SEL1L2: variants seen among roughly 807,000 people sequenced by gnomAD.
The protein encoded by SEL1L2 is protein sel-1 homolog 2.
SEL1L2 carries 89 observed loss-of-function variants against 98.8 expected under a neutral mutation model. The observed-to-expected ratio is 0.90, with a 90% CI of 0.76 to 1.07. The LOEUF is 1.07. SEL1L2 is among the 50% of genes least tolerant of loss of function. SEL1L2 has a pLI of 0.00. For missense variants in SEL1L2, 788 were observed against 812.0 expected (o/e 0.97, Z 0.36); for synonymous variants, 262 against 278.5 (o/e 0.94, Z 0.59).
chr20:13,972,726 C>T (rs2051341242), intron 1 of SEL1L2, among the ~76,000 whole-genome samples: 1 of 152,144 alleles, frequency 6.6e-6, no homozygotes, highest in Non-Finnish European at 1.5e-5. Flanking sequence ...TCTCTAGTGT[C>T]TTCTTATACT....
upstream of SEL1L2, among the ~76,000 whole-genome samples, chr20:13,991,908 G>A (rs555890378): frequency 5.9e-5 from 9 of 152,018 alleles, no homozygotes; most frequent in Admixed American, 3.3e-4. Context: ...CATGAGAAGT[G>A]CTTGAATCCT....
chr20:13,863,097 T>C (rs1172548063), intron 17 of SEL1L2, among the ~76,000 whole-genome samples: 2 of 152,138 alleles, frequency 1.3e-5, no homozygotes, highest in African/African-American at 4.8e-5. Flanking sequence ...CTTATAAGAA[T>C]GGTGCCCAGA....
At chr20:13,925,850 A>C (rs1026506416) in intron 3 of SEL1L2, among the ~76,000 whole-genome samples, 5 of 152,252 alleles carry the variant, frequency 3.3e-5, no homozygotes, top group African/African-American at 1.2e-4. Context: ...GGATTAACCC[A>C]CCATTTTGCT....
At chr20:13,873,407 G>C (rs1446059888) in intron 12 of SEL1L2, among the ~76,000 whole-genome samples, 1 of 151,986 alleles carries the variant, frequency 6.6e-6, no homozygotes, top group African/African-American at 2.4e-5. Flanking sequence ...CTGTTGCCAG[G>C]CTGGAGTGCA....
intron 5 of SEL1L2, among the ~76,000 whole-genome samples, chr20:13,895,908 C>T (rs1413052533): frequency 6.6e-6 from 1 of 152,204 alleles, no homozygotes; most frequent in East Asian, 1.9e-4. Context: ...TGTGGTGGCT[C>T]ACGCCTGTAA....
At chr20:13,939,219 A>T (rs1382395965) in intron 2 of SEL1L2, among the ~76,000 whole-genome samples, 1 of 150,876 alleles carries the variant, frequency 6.6e-6, no homozygotes, top group South Asian at 2.1e-4. Flanking sequence ...AATTTTTTGT[A>T]TCTTTAGTAG....
At chr20:13,990,732 G>A (rs531172449), upstream of SEL1L2, 124 of 547,472 alleles carry the variant, frequency 2.3e-4, no homozygotes, top group Non-Finnish European at 3.7e-4. Context: ...GTAGGCTGTG[G>A]AAAGGATCCA....
At position 13,907,849 on chromosome 20, in the gene SEL1L2, C is replaced by A. The variant is rs543540972; in HGVS notation, c.549+5933G>T. ...GTGACATGATCACAGCTCACTGCAG[C>A]CTCAACCTCCTGGGCTCAAGTGATC... On this transcript the variant is annotated intron_variant, in intron 5 of 19. Transcript: ENST00000284951. 2.0e-5 allele frequency among the ~76,000 whole-genome samples: 3 copies of A among 151,488 alleles called. No homozygotes were observed. In the South Asian group the frequency reaches 6.3e-4, roughly 32 times the overall value.
chr20:13,855,440 G>A (rs1989000466), intron 18 of SEL1L2, among the ~76,000 whole-genome samples: 1 of 151,956 alleles, frequency 6.6e-6, no homozygotes, highest in Admixed American at 6.6e-5. Context: ...AGAGGGGTGG[G>A]TAGGACGGAG....
intron 17 of SEL1L2, among the ~76,000 whole-genome samples, chr20:13,860,445 C>A (rs1330125784): frequency 6.6e-6 from 1 of 152,170 alleles, no homozygotes; most frequent in Non-Finnish European, 1.5e-5. Flanking sequence ...TCTCTGGCCT[C>A]ATCTTACCCG....
Position 13,919,057 on chromosome 20 carries a change from A to T in SEL1L2, c.350T>A (p.Val117Asp), listed in dbSNP as rs760453482. ...GDQLFKMGIK[V>D]LQQSKSQKQK... is the part of the protein sequence containing the mutation. ...TTTTTGGCTTTTAGACTGCTGGAGA[A>T]CCTTGATGCCCATCTTAAATAGCTG... Residue 117 changes from valine (V) to aspartate (D), a missense_variant, in exon 4 of 20, where the codon GTT becomes GAT. Coordinates refer to ENST00000284951, the MANE Select transcript of SEL1L2 (RefSeq NM_025229.2). 1 of 1,613,844 alleles carries T rather than the reference A, an allele frequency of 6.2e-7. No individual in the cohort carries two copies. Among genetic ancestry groups the T allele is most frequent in the Non-Finnish European group, 8.5e-7 (1 of 1,179,862 alleles).
intron 1 of SEL1L2, among the ~76,000 whole-genome samples, chr20:13,970,848 G>A (rs927248345): frequency 1.3e-5 from 2 of 150,512 alleles, no homozygotes; most frequent in Non-Finnish European, 3.0e-5. Context: ...GAAAAATACT[G>A]TCACACATAT....
chr20:13,960,658 A>G (rs1228078977), intron 1 of SEL1L2, among the ~76,000 whole-genome samples: 1 of 152,170 alleles, frequency 6.6e-6, no homozygotes, highest in East Asian at 1.9e-4. Flanking sequence ...ACTTTAGAGT[A>G]GCTTGTTTCG....
chr20:13,988,499 T>C (rs2052364380), intron 1 of SEL1L2, among the ~76,000 whole-genome samples: 1 of 152,206 alleles, frequency 6.6e-6, no homozygotes, highest in Non-Finnish European at 1.5e-5. Context: ...GTGTGATAGT[T>C]TACTTGTAAA....
chr20:13,905,120 G>T (rs537924273), intron 5 of SEL1L2, among the ~76,000 whole-genome samples: 1 of 152,114 alleles, frequency 6.6e-6, no homozygotes, highest in African/African-American at 2.4e-5. Flanking sequence ...ATCAACCCAG[G>T]GTTACACTTC....
intron 5 of SEL1L2, among the ~76,000 whole-genome samples, chr20:13,899,961 T>G (rs1425806275): frequency 6.6e-6 from 1 of 152,226 alleles, no homozygotes; most frequent in East Asian, 1.9e-4. Context: ...AATCTGCCTG[T>G]TTTACTCTTC....
rs148408782 is a variant in SEL1L2, at chr20:13,907,006, G to T, written c.549+6776C>A. Among the ~76,000 whole-genome samples the T allele has an allele frequency of 2.6e-3, 392 of 152,240 alleles. 7 individuals are homozygous for T. In the Middle Eastern group the frequency reaches 0.031, roughly 12 times the overall value. On this transcript the variant is annotated intron_variant, in intron 5 of 19. Transcript: ENST00000284951. ...ATAATTTCAATTTGAAATAAATAAA[G>T]AAAATGTGGAATCTTTGCCATTAAA...
intron 3 of SEL1L2, among the ~76,000 whole-genome samples, chr20:13,921,451 C>T (rs766695792): frequency 6.6e-5 from 10 of 152,080 alleles, no homozygotes; most frequent in Non-Finnish European, 1.5e-4. Context: ...GGATTACAGG[C>T]GTGAGTCACC....
intron 1 of SEL1L2, among the ~76,000 whole-genome samples, chr20:13,964,555 C>T (rs1457488854): frequency 6.7e-6 from 1 of 149,798 alleles, no homozygotes; most frequent in Non-Finnish European, 1.5e-5. Flanking sequence ...CTGGTTCAAG[C>T]GATTCTCCTG....
Sources: allele counts gnomAD v4.1 joint callset (sites outside exome capture counted in the v4.1 genomes callset), GRCh38; gene constraint gnomAD v4.1.1; transcripts MANE v1.5; gene names NCBI Gene and HGNC (gene_info 2026-07-23, HGNC 2026-07-21).